The following THSD7A variants were observed in gnomAD, a reference collection of about 807,000 sequenced individuals.
The protein encoded by THSD7A is thrombospondin type-1 domain-containing protein 7A.
THSD7A carries 96 observed loss-of-function variants against 231.3 expected under a neutral mutation model. The observed-to-expected ratio is 0.41, with a 90% CI of 0.35 to 0.49. The LOEUF (loss-of-function observed/expected upper bound fraction) is 0.49, where lower values mean the gene tolerates loss of function less well. Among genes scored for constraint, THSD7A ranks in the 20% least tolerant of loss-of-function variants. The probability of loss-of-function intolerance (pLI) is 0.05; values close to 1 mark genes in which losing one functional copy is unlikely to be tolerated. For missense variants in THSD7A, 2,290 were observed against 2,070.2 expected (o/e 1.11, Z -2.06); for synonymous variants, 940 against 743.3 (o/e 1.26, Z -4.30).
rs1784623977 is a variant in THSD7A, at chr7:11,814,582, T to C, written c.190+17175A>G. ...ATCAACCAAGGTTGAAGGACCACCTTGTCTGCTTCATAGTATTTATTCTCT... is the reference window on the plus strand; with the variant it reads ...ATCAACCAAGGTTGAAGGACCACCTCGTCTGCTTCATAGTATTTATTCTCT... On this transcript the variant is annotated intron_variant, in intron 1 of 27. Coordinates refer to ENST00000423059, the MANE Select transcript of THSD7A (RefSeq NM_015204.3). The surrounding 1 kb of genome is among the most constrained non-coding windows in gnomAD (Gnocchi z 5.1). Among the ~76,000 whole-genome samples, 1 of 152,218 alleles carries C rather than the reference T, an allele frequency of 6.6e-6. No individual in the cohort carries two copies. The highest frequency in any genetic ancestry group is 2.4e-5 in the African/African-American group (1 of 41,470).
chr7:11,382,609 C>A lies in THSD7A; in HGVS notation c.4419G>T (p.Gln1473His), dbSNP rs1782562641. ...MLETKSCYDG[Q>H]CYEYKWMASA... ...TGGCCATCCATTTATATTCATAGCACTGTCCATCTGCAGGGAAATAATAAA... is the reference window on the plus strand; with the variant it reads ...TGGCCATCCATTTATATTCATAGCAATGTCCATCTGCAGGGAAATAATAAA... Residue 1473 changes from glutamine (Q) to histidine (H), a missense_variant, in exon 24 of 28, where the codon CAG (glutamine) becomes CAT (histidine). By Grantham distance (24) the Gln-to-His change is conservative (BLOSUM62 0). Coordinates refer to ENST00000423059, the MANE Select transcript of THSD7A (RefSeq NM_015204.3). 1 of 1,611,654 alleles carries A rather than the reference C, an allele frequency of 6.2e-7. No homozygotes were observed. Among genetic ancestry groups the A allele is most frequent in the African/African-American group, 1.3e-5 (1 of 74,860 alleles).
intron 9 of THSD7A, among the ~76,000 whole-genome samples, chr7:11,466,762 G>A (rs1049548211): frequency 2.0e-5 from 3 of 152,052 alleles, no homozygotes; most frequent in Non-Finnish European, 4.4e-5. Flanking sequence ...TAAGAGAGCC[G>A]ATTCCCGAGT....
intron 11 of THSD7A, among the ~76,000 whole-genome samples, chr7:11,451,988 C>A (rs1785162146): frequency 6.6e-6 from 1 of 152,056 alleles, no homozygotes; most frequent in South Asian, 2.1e-4. Context: ...CATAGAAGTT[C>A]ATTACAGGAA....
intron 1 of THSD7A, among the ~76,000 whole-genome samples, chr7:11,733,623 A>C (rs78766296): frequency 0.031 from 4,773 of 151,860 alleles, 226 homozygotes; most frequent in African/African-American, 0.11. Flanking sequence ...TCTACACAGA[A>C]GGCAGGAAGT....
chr7:11,593,060 T>C (rs1422218777), intron 3 of THSD7A, among the ~76,000 whole-genome samples, 194 bp downstream of exon 3: 2 of 152,132 alleles, frequency 1.3e-5, no homozygotes, highest in Non-Finnish European at 2.9e-5. Context: ...ATAGAATTGG[T>C]GCTAAAAATT....
At chr7:11,384,538 G>T (rs1331859932) in intron 23 of THSD7A, 1 of 151,822 alleles carries the variant, frequency 6.6e-6, no homozygotes, top group Non-Finnish European at 1.5e-5. Flanking sequence ...TTTTGTATGT[G>T]ATGTAAGCTA....
At position 11,831,576 on chromosome 7, in the gene THSD7A, C is replaced by G. The variant is rs949931052; in HGVS notation, c.190+181G>C. On this transcript the variant is annotated intron_variant, in intron 1 of 27. Coordinates refer to ENST00000423059, the MANE Select transcript of THSD7A (RefSeq NM_015204.3). This position sits in a 1 kb window ranked among gnomAD's most constrained non-coding sequence, Gnocchi z 5.0. Reference sequence around the variant, plus strand: ...TCACTGTTGCCTCTTAGTTGTTATGCTTTTCTTTCCTAATTGCATCGGACA... The same window carrying G: ...TCACTGTTGCCTCTTAGTTGTTATGGTTTTCTTTCCTAATTGCATCGGACA... Among the ~76,000 whole-genome samples the G allele has an allele frequency of 6.6e-6, 1 of 152,162 alleles. No homozygotes were observed. Among genetic ancestry groups the G allele is most frequent in the East Asian group, 1.9e-4 (1 of 5,186 alleles).
chr7:11,717,723 C>A (rs1043828454), intron 1 of THSD7A, among the ~76,000 whole-genome samples: 1 of 151,576 alleles, frequency 6.6e-6, no homozygotes, highest in African/African-American at 2.4e-5. Flanking sequence ...GCTTCTACAC[C>A]TACCTGTTTG....
At chr7:11,541,998 AAAG>A (rs1789171956) in intron 5 of THSD7A, among the ~76,000 whole-genome samples, 1 of 152,232 alleles carries the variant, frequency 6.6e-6, no homozygotes, top group African/African-American at 2.4e-5. Flanking sequence ...TAGAATATTC[AAAG>A]AAGGAGTGAA....
intron 11 of THSD7A, among the ~76,000 whole-genome samples, chr7:11,448,948 T>TG (rs1785059578): frequency 6.6e-6 from 1 of 152,080 alleles, no homozygotes; most frequent in African/African-American, 2.4e-5. Flanking sequence ...TTGGCCTTGA[T>TG]GAAGGTTAGA....
At chr7:11,822,861 T>G (rs1312493814) in intron 1 of THSD7A, among the ~76,000 whole-genome samples, 1 of 152,028 alleles carries the variant, frequency 6.6e-6, no homozygotes, top group Non-Finnish European at 1.5e-5. Flanking sequence ...AGTCTCCTGA[T>G]GGATGAATAG....
chr7:11,522,400 T>G (rs1450553965), intron 6 of THSD7A, among the ~76,000 whole-genome samples: 1 of 152,208 alleles, frequency 6.6e-6, no homozygotes, highest in African/African-American at 2.4e-5. Context: ...TTCATTGCAT[T>G]GATTTCCACA....
chr7:11,376,475 C>CAGATAA, intron 27 of THSD7A, 95 bp downstream of exon 27: 1 of 913,832 alleles, frequency 1.1e-6, no homozygotes, highest in East Asian at 2.7e-5. Context: ...ATGTGAACAC[C>CAGATAA]AGATAAATGT....
intron 7 of THSD7A, among the ~76,000 whole-genome samples, chr7:11,478,091 C>G (rs1786269813): frequency 6.6e-6 from 1 of 152,152 alleles, no homozygotes; most frequent in Non-Finnish European, 1.5e-5. Context: ...ATGTTAAATA[C>G]ATGTACTTAT....
intron 7 of THSD7A, among the ~76,000 whole-genome samples, chr7:11,481,334 T>G (rs904698715): frequency 3.9e-5 from 6 of 152,174 alleles, no homozygotes; most frequent in African/African-American, 1.4e-4. Flanking sequence ...CAATTTTTGG[T>G]CGAACAGTAG....
At chr7:11,426,605 A>C (rs1294064954) in intron 15 of THSD7A, 61 bp downstream of exon 15, 1 of 1,479,664 alleles carries the variant, frequency 6.8e-7, no homozygotes, top group East Asian at 2.4e-5. Context: ...TATTCTCAGA[A>C]ATCAGGAAAT....
chr7:11,601,581 C>CTGA (rs1452008808), intron 2 of THSD7A, among the ~76,000 whole-genome samples: 1 of 152,138 alleles, frequency 6.6e-6, no homozygotes, highest in Non-Finnish European at 1.5e-5. Flanking sequence ...CTGGACCTAC[C>CTGA]TGATATGCAA....
At chr7:11,716,286 A>G (rs1395426294) in intron 1 of THSD7A, among the ~76,000 whole-genome samples, 1 of 151,476 alleles carries the variant, frequency 6.6e-6, no homozygotes, top group African/African-American at 2.4e-5. Flanking sequence ...TGACTGTTCT[A>G]GTCCCCAGGT....
At chr7:11,516,528 C>A (rs945588386) in intron 6 of THSD7A, among the ~76,000 whole-genome samples, 3 of 152,182 alleles carry the variant, frequency 2.0e-5, no homozygotes, top group African/African-American at 7.2e-5. Context: ...ATTGACCTTG[C>A]CTGTGTGCAG....
Sources: gnomAD v4.1 joint callset for allele counts (sites outside exome capture counted in the v4.1 genomes callset) on GRCh38, gnomAD v4.1.1 for gene constraint, Gnocchi (gnomAD v3.1) non-coding constraint, MANE v1.5 for transcripts, NCBI Gene and HGNC (gene_info 2026-07-23, HGNC 2026-07-21) for gene names.